The following RELN variants were observed in gnomAD, a reference collection of about 807,000 sequenced individuals.
RELN encodes reelin.
RELN carries 108 observed loss-of-function variants against 427.6 expected under a neutral mutation model. The observed-to-expected ratio is 0.25, with a 90% CI of 0.22 to 0.30. The LOEUF (loss-of-function observed/expected upper bound fraction) is 0.30. RELN is among the 10% of genes least tolerant of loss of function. The pLI is 1.00. For synonymous variants in RELN, 1,524 were observed against 1,513.4 expected (o/e 1.01, Z -0.16); for missense variants, 3,715 against 4,302.8 (o/e 0.86, Z 3.82).
chr7:103,649,613 G>C (rs921708051), intron 16 of RELN, among the ~76,000 whole-genome samples: 1 of 151,744 alleles, frequency 6.6e-6, no homozygotes, highest in Admixed American at 6.6e-5. Flanking sequence ...AAGAGTTGGT[G>C]ATTAATAACA....
chr7:103,949,553 T>C (rs1201679278), intron 1 of RELN, among the ~76,000 whole-genome samples: 4 of 146,864 alleles, frequency 2.7e-5, no homozygotes, highest in Non-Finnish European at 4.5e-5. Context: ...CCAACCCCTG[T>C]CAACAGACAC....
In RELN at chr7:103,894,065, C is replaced by T. The variant is rs17157104; in HGVS notation, c.337+23010G>A. ...TCTAAAATTTTCAGTGTGTTAAATG[C>T]GCATGTACAACTATTAAAATGTTAC... On this transcript the variant is annotated intron_variant, in intron 2 of 64. Transcript: ENST00000428762. Among the ~76,000 whole-genome samples the T allele has an allele frequency of 4.0e-3, 606 of 152,108 alleles. 22 individuals carry two copies. In the East Asian group the frequency reaches 0.071, roughly 18 times the overall value.
intron 43 of RELN, among the ~76,000 whole-genome samples, chr7:103,540,932 T>C (rs1423909633): frequency 6.6e-6 from 1 of 152,270 alleles, no homozygotes; most frequent in Non-Finnish European, 1.5e-5. Context: ...CAGTCGTTTT[T>C]CAGATCTCAT....
At chr7:103,638,078 A>G (rs191606515) in intron 17 of RELN, among the ~76,000 whole-genome samples, 1 of 152,206 alleles carries the variant, frequency 6.6e-6, no homozygotes, top group East Asian at 1.9e-4. Flanking sequence ...ATTTTTTAAA[A>G]AAAACAAAAA....
chr7:103,871,570 A>G (rs9791408), intron 2 of RELN, among the ~76,000 whole-genome samples: 21,835 of 152,108 alleles, frequency 0.14, 1,884 homozygotes, highest in East Asian at 0.34. Flanking sequence ...TCAGTGACTT[A>G]GTTGTTTACT....
intron 34 of RELN, among the ~76,000 whole-genome samples, chr7:103,564,952 T>C (rs1222198734): frequency 6.6e-6 from 1 of 152,218 alleles, no homozygotes; most frequent in African/African-American, 2.4e-5. Flanking sequence ...CAATATGTGG[T>C]AATTTCACAT....
chr7:103,894,785 T>C (rs763648990), intron 2 of RELN, among the ~76,000 whole-genome samples: 16 of 152,136 alleles, frequency 1.1e-4, no homozygotes, highest in Non-Finnish European at 2.2e-4. Flanking sequence ...AAGCAAATTA[T>C]GAAGCCTCAA....
At chr7:103,756,298 G>A (rs1791150868) in intron 4 of RELN, among the ~76,000 whole-genome samples, 1 of 152,182 alleles carries the variant, frequency 6.6e-6, no homozygotes, top group African/African-American at 2.4e-5. Context: ...AATCTCTGAG[G>A]GTGGAGGCCC....
chr7:103,871,762 A>C (rs570677287), intron 2 of RELN, among the ~76,000 whole-genome samples: 66 of 152,208 alleles, frequency 4.3e-4, no homozygotes, highest in African/African-American at 1.4e-3. Context: ...GAAGAGCAAA[A>C]CAACATTTTG....
At chr7:103,485,809 A>G (rs1190632908) in intron 61 of RELN, among the ~76,000 whole-genome samples, 1 of 152,236 alleles carries the variant, frequency 6.6e-6, no homozygotes, top group Non-Finnish European at 1.5e-5. Context: ...TAAGCTAAAT[A>G]TAGGCATATG....
At chr7:103,777,565 G>A (rs996052788) in intron 3 of RELN, among the ~76,000 whole-genome samples, 14 of 152,118 alleles carry the variant, frequency 9.2e-5, no homozygotes, top group African/African-American at 2.4e-4. Flanking sequence ...ACTAGCTCAC[G>A]ACAGGGCGAA....
At chr7:103,706,922 T>G (rs954947029) in intron 8 of RELN, among the ~76,000 whole-genome samples, 2 of 152,146 alleles carry the variant, frequency 1.3e-5, no homozygotes, top group African/African-American at 2.4e-5. Flanking sequence ...TCCCTGACCA[T>G]TCCTCTCCTT....
chr7:103,918,780 A>G (rs1795545257), intron 1 of RELN, among the ~76,000 whole-genome samples: 1 of 152,256 alleles, frequency 6.6e-6, no homozygotes, highest in South Asian at 2.1e-4. Context: ...AGCCACATGG[A>G]AAAAAAGAAG....
Position 103,472,730 on chromosome 7 carries a change from A to G in RELN, c.*82T>C, listed in dbSNP as rs781050842. ...CCAAGTCCTTCACAGATATTTCCTGATATCAGATGTAGTGCGAGATTTAAA... is the reference window on the plus strand; with the variant it reads ...CCAAGTCCTTCACAGATATTTCCTGGTATCAGATGTAGTGCGAGATTTAAA... On this transcript the variant is annotated 3_prime_UTR_variant, in exon 65 of 65. Transcript: ENST00000428762. 1.0e-3 allele frequency: 1,103 copies of G among 1,094,852 alleles called. 12 individuals carry two copies. Among genetic ancestry groups the G allele is most frequent in the South Asian group, 2.3e-4 (18 of 77,960 alleles). 67.8% of individuals were successfully genotyped at this position (1,094,852 alleles called of 1,614,324 possible).
At chr7:103,842,981 T>C (rs973761234) in intron 2 of RELN, among the ~76,000 whole-genome samples, 2 of 152,174 alleles carry the variant, frequency 1.3e-5, no homozygotes, top group African/African-American at 4.8e-5. Flanking sequence ...GTTGACAGCA[T>C]AGAAACCCTG....
At chr7:103,907,511 TAG>T (rs1352146261) in intron 2 of RELN, among the ~76,000 whole-genome samples, 1 of 145,602 alleles carries the variant, frequency 6.9e-6, no homozygotes, top group Non-Finnish European at 1.5e-5. Context: ...AGCAAATCCG[TAG>T]AGACAGAAAG....
chr7:103,744,586 A>G, intron 6 of RELN, among the ~76,000 whole-genome samples: 1 of 152,250 alleles, frequency 6.6e-6, no homozygotes, highest in Non-Finnish European at 1.5e-5. Context: ...AGGGGATATC[A>G]CCACTGATCC....
At chr7:103,711,867 C>T (rs1287296754) in intron 8 of RELN, among the ~76,000 whole-genome samples, 1 of 152,086 alleles carries the variant, frequency 6.6e-6, no homozygotes, top group East Asian at 1.9e-4. Context: ...CCATGTTGCC[C>T]AGGATCGTCT....
At chr7:103,956,579 A>G (rs959840985) in intron 1 of RELN, among the ~76,000 whole-genome samples, 1 of 152,222 alleles carries the variant, frequency 6.6e-6, no homozygotes, top group Non-Finnish European at 1.5e-5. Flanking sequence ...AATCATACTG[A>G]CACACTATAA....
Sources: gnomAD v4.1 joint callset for allele counts (sites outside exome capture counted in the v4.1 genomes callset) on GRCh38, gnomAD v4.1.1 for gene constraint, MANE v1.5 for transcripts, NCBI Gene and HGNC (gene_info 2026-07-23, HGNC 2026-07-21) for gene names.